The following RXFP1 variants were observed in gnomAD, a reference collection of about 807,000 sequenced individuals.
The protein encoded by RXFP1 is relaxin receptor 1.
A neutral mutation model predicts 89.8 loss-of-function variants in RXFP1; 73 were observed. The ratio of observed to expected loss-of-function variants is 0.81; its 90% CI spans 0.67 to 0.99. The LOEUF (loss-of-function observed/expected upper bound fraction) is 0.99. Among genes scored for constraint, RXFP1 ranks in the 50% least tolerant of loss-of-function variants. The pLI is 0.00. For missense variants in RXFP1, 793 were observed against 895.5 expected (o/e 0.89, Z 1.46); for synonymous variants, 277 against 305.5 (o/e 0.91, Z 0.97).
intron 11 of RXFP1, 118 bp from the exon 12 acceptor site, chr4:158,633,287 T>C (rs958925647): frequency 1.6e-6 from 1 of 624,616 alleles, no homozygotes; most frequent in Non-Finnish European, 2.8e-6. Flanking sequence ...CTTCTGGTGA[T>C]TAATATAACT....
Position 158,628,624 on chromosome 4 carries a change from C to T in RXFP1, c.828-14C>T. On this transcript the variant is annotated splice_polypyrimidine_tract_variant and intron_variant, in intron 10 of 17. Coordinates refer to ENST00000307765, the MANE Select transcript of RXFP1 (RefSeq NM_021634.4). ...CCTAAAGAAGTTACAATGTATTTTT[C>T]TTTTTACTTTCAGAGTGATGAGGAA... 1.5e-6 allele frequency: 2 copies of T among 1,359,328 alleles called. No homozygotes were observed. The highest frequency in any genetic ancestry group is 1.8e-5 in the Admixed American group (1 of 55,614). The allele number at this position is 1,359,328 out of a possible 1,614,324, so 84.2% of individuals were successfully genotyped here.
intron 5 of RXFP1, chr4:158,607,109 CT>C: frequency 6.5e-7 from 1 of 1,536,048 alleles, no homozygotes; most frequent in Non-Finnish European, 8.7e-7. Flanking sequence ...GAAATCCTTA[CT>C]TTATCATTCC....
intron 1 of RXFP1, among the ~76,000 whole-genome samples, chr4:158,541,749 A>C (rs1325803900): frequency 6.6e-6 from 1 of 152,090 alleles, no homozygotes; most frequent in African/African-American, 2.4e-5. Context: ...CTTCGCAAGC[A>C]CTTGAGCATG....
chr4:158,626,530 T>C (rs59136140), intron 9 of RXFP1, among the ~76,000 whole-genome samples: 33,642 of 152,094 alleles, frequency 0.22, 5,504 homozygotes, highest in African/African-American at 0.45. Context: ...TCATAACAAA[T>C]GTTTTCAATT....
intron 1 of RXFP1, among the ~76,000 whole-genome samples, chr4:158,537,920 G>T (rs1374837721): frequency 6.6e-6 from 1 of 152,172 alleles, no homozygotes; most frequent in African/African-American, 2.4e-5. Flanking sequence ...CTGAGGGAGG[G>T]ATACTTATGC....
rs562702564 is a variant in RXFP1, at chr4:158,626,871, C to G, written c.807C>G (p.Ser269=). 7 of 1,534,126 alleles carry G rather than the reference C, an allele frequency of 4.6e-6. No individual in the cohort carries two copies. The highest frequency in any genetic ancestry group is 2.4e-5 in the South Asian group (2 of 83,310). The change falls in exon 10 of 18, where the codon TCC becomes TCG. Residue 269 remains serine (S), a synonymous_variant. Transcript: ENST00000307765. ...IHNLRNLTFI[S]CSNLTVLVMR... ...ATTTAAGAAATTTGACTTTTATTTC[C>G]TGCAGTAATTTAACTGTTTTGTAAG...
rs574179493 is a variant in RXFP1 at position 158,651,903 on chromosome 4, A to C, written c.2122A>C (p.Lys708Gln). Reference sequence around the variant, plus strand: ...CAGACAAAGAAAATCTATGGACAGCAAAGGTCAGAAAACATATGCTCCATC... The same window carrying C: ...CAGACAAAGAAAATCTATGGACAGCCAAGGTCAGAAAACATATGCTCCATC... ...NYRQRKSMDS[K>Q]GQKTYAPSFI... The change falls in exon 18 of 18, where the codon AAA becomes CAA. Residue 708 changes from lysine (K) to glutamine (Q), a missense_variant. By Grantham distance (53) the Lys-to-Gln change is moderately conservative. Transcript: ENST00000307765. 280 of 1,614,178 alleles carry C rather than the reference A, an allele frequency of 1.7e-4. 1 individual carries two copies. The South Asian group carries it at 2.9e-3, about 17-fold the overall frequency.
At chr4:158,644,705 T>C (rs1469384051) in intron 14 of RXFP1, among the ~76,000 whole-genome samples, 4 of 152,266 alleles carry the variant, frequency 2.6e-5, no homozygotes, top group Non-Finnish European at 4.4e-5. Context: ...TTTGCTACTC[T>C]CACCCACACA....
chr4:158,621,228 C>G (rs981389630), intron 9 of RXFP1, among the ~76,000 whole-genome samples: 3 of 152,064 alleles, frequency 2.0e-5, no homozygotes, highest in Admixed American at 1.3e-4. Context: ...GGGAGGATAG[C>G]GTGAGCCTGA....
intron 11 of RXFP1, among the ~76,000 whole-genome samples, chr4:158,629,529 T>C (rs1767607436): frequency 6.6e-6 from 1 of 152,220 alleles, no homozygotes; most frequent in South Asian, 2.1e-4. Context: ...ACATTGTAGT[T>C]GATTTTCAGA....
intron 1 of RXFP1, among the ~76,000 whole-genome samples, chr4:158,523,679 G>A (rs139184716): frequency 8.5e-5 from 13 of 152,234 alleles, no homozygotes; most frequent in Admixed American, 5.2e-4. Context: ...GCAATTCCTC[G>A]CTACATGGTA....
At chr4:158,548,405 A>G (rs1279082815) in intron 1 of RXFP1, among the ~76,000 whole-genome samples, 1 of 152,090 alleles carries the variant, frequency 6.6e-6, no homozygotes, top group Non-Finnish European at 1.5e-5. Context: ...TCTTTATCCA[A>G]TTTGCCAGTC....
rs1560973208 is a variant in RXFP1 at position 158,542,096 on chromosome 4, TATATATATA to T, written c.49+20072_49+20080del. Among the ~76,000 whole-genome samples the T allele has an allele frequency of 1.8e-4, 8 of 44,096 alleles. 1 individual carries two copies. The highest frequency in any genetic ancestry group is 2.9e-4 in the Non-Finnish European group (6 of 20,544). 28.9% of individuals were successfully genotyped at this position (44,096 alleles called of 152,430 possible). ...CACCATGGCTATATATATATATATA[TATATATATA>T]TATATTTTTTTTTTAGTAGAGACAG... On this transcript the variant is annotated intron_variant, in intron 1 of 17. Coordinates refer to ENST00000307765, the MANE Select transcript of RXFP1 (RefSeq NM_021634.4).
In RXFP1 at chr4:158,638,042, G is replaced by A. The variant is rs1029625262; in HGVS notation, c.1006G>A (p.Ala336Thr). The A allele has an allele frequency of 8.7e-6, 14 of 1,604,408 alleles. No individual in the cohort carries two copies. The highest frequency in any genetic ancestry group is 1.1e-5 in the South Asian group (1 of 90,548). ...LSYNPIQKIQ[A>T]NQFDYLVKLK... is the part of the protein sequence containing the mutation. Reference sequence around the variant, plus strand: ...CTATAATCCAATCCAGAAAATTCAAGCAAACCAATTTGATTATCTTGTCAA... The same window carrying A: ...CTATAATCCAATCCAGAAAATTCAAACAAACCAATTTGATTATCTTGTCAA... The change falls in exon 13 of 18, where the codon GCA (alanine) becomes ACA (threonine). Residue 336 changes from alanine to threonine, a missense_variant. Ala to Thr is a moderately conservative substitution (Grantham distance 58, BLOSUM62 0). Transcript: ENST00000307765.
intron 3 of RXFP1, among the ~76,000 whole-genome samples, chr4:158,595,358 C>T (rs769924424): frequency 6.6e-6 from 1 of 152,120 alleles, no homozygotes; most frequent in African/African-American, 2.4e-5. Flanking sequence ...AATTTTATAT[C>T]ATATATTTAG....
chr4:158,534,058 C>G (rs1196725971), intron 1 of RXFP1, among the ~76,000 whole-genome samples: 3 of 152,268 alleles, frequency 2.0e-5, no homozygotes, highest in Non-Finnish European at 4.4e-5. Context: ...GGAATAGTCT[C>G]ACATGACAAT....
At chr4:158,618,422 G>A (rs1168361141) in intron 9 of RXFP1, among the ~76,000 whole-genome samples, 2 of 151,820 alleles carry the variant, frequency 1.3e-5, no homozygotes, top group Non-Finnish European at 2.9e-5. Context: ...TGATTAAGAT[G>A]TATTACTAAA....
At chr4:158,561,114 C>G (rs1234461845) in intron 1 of RXFP1, among the ~76,000 whole-genome samples, 1 of 152,172 alleles carries the variant, frequency 6.6e-6, no homozygotes, top group Non-Finnish European at 1.5e-5. Context: ...TAAAATAAAA[C>G]CAATCTCCTT....
intron 1 of RXFP1, among the ~76,000 whole-genome samples, chr4:158,532,566 T>A (rs551110240): frequency 2.7e-4 from 41 of 152,128 alleles, no homozygotes; most frequent in Non-Finnish European, 4.9e-4. Flanking sequence ...GAGGTGAACA[T>A]CTCCAGTCAC....
Sources: gnomAD v4.1 joint callset for allele counts (sites outside exome capture counted in the v4.1 genomes callset) on GRCh38, gnomAD v4.1.1 for gene constraint, MANE v1.5 for transcripts, NCBI Gene and HGNC (gene_info 2026-07-23, HGNC 2026-07-21) for gene names.